The following PIK3CB variants were observed in gnomAD, a reference collection of about 807,000 sequenced individuals.
The protein encoded by PIK3CB is phosphatidylinositol-4,5-bisphosphate 3-kinase catalytic subunit beta, also known as phosphatidylinositol 4,5-bisphosphate 3-kinase catalytic subunit beta isoform.
In PIK3CB, 39 loss-of-function variants were observed where a neutral mutation model predicts 136.8. The observed-to-expected ratio is 0.29, with a 90% confidence interval of 0.22 to 0.37. PIK3CB has a LOEUF of 0.37. Among genes scored for constraint, PIK3CB ranks in the 10% least tolerant of loss-of-function variants. PIK3CB has a pLI of 1.00. For missense variants in PIK3CB, 868 were observed against 1,275.4 expected (o/e 0.68, Z 4.87); for synonymous variants, 428 against 436.6 (o/e 0.98, Z 0.25).
At chr3:138,656,104 C>T in intron 23 of PIK3CB, 38 bp downstream of exon 23, 1 of 1,606,790 alleles carries the variant, frequency 6.2e-7, no homozygotes, top group Non-Finnish European at 8.5e-7. Context: ...AGCTCAATGC[C>T]CACAAAGTCC....
chr3:138,670,126 CCT>C (rs1431156414), intron 19 of PIK3CB, among the ~76,000 whole-genome samples: 1 of 152,304 alleles, frequency 6.6e-6, no homozygotes, highest in East Asian at 1.9e-4. Context: ...CATGTGGGTG[CCT>C]CCCATTGTCT....
intron 13 of PIK3CB, among the ~76,000 whole-genome samples, chr3:138,695,692 A>G (rs2044121315): frequency 6.6e-6 from 1 of 152,046 alleles, no homozygotes; most frequent in African/African-American, 2.4e-5. Context: ...CGAAAACAAT[A>G]CTTTTGAATG....
Position 138,653,098 on chromosome 3 carries a change from T to C in PIK3CB, c.*2291A>G. The C allele has an allele frequency of 5.3e-6, 1 of 187,378 alleles. No homozygotes were observed. The highest frequency in any genetic ancestry group is 2.0e-3 in the Middle Eastern group (1 of 502). The allele number at this position is 187,378 out of a possible 1,614,324, so 11.6% of individuals were successfully genotyped here. On this transcript the variant is annotated 3_prime_UTR_variant, in exon 24 of 24. Transcript: ENST00000674063. ...TTGCGGATATAAATGAAAGATAATC[T>C]AAATAAATGGGTACTCCACTTACAT...
intron 4 of PIK3CB, among the ~76,000 whole-genome samples, chr3:138,752,437 GA>G (rs1462748158): frequency 1.3e-5 from 2 of 152,180 alleles, no homozygotes; most frequent in African/African-American, 4.8e-5. Context: ...TGCAAAAATT[GA>G]CTTGACTTCT....
At chr3:138,797,644 T>G (rs563797219) in intron 1 of PIK3CB, among the ~76,000 whole-genome samples, 1 of 152,238 alleles carries the variant, frequency 6.6e-6, no homozygotes, top group African/African-American at 2.4e-5. Flanking sequence ...ATTGGTGAAC[T>G]CAAAAATAAC....
chr3:138,690,649 A>G (rs1015236547), intron 15 of PIK3CB, among the ~76,000 whole-genome samples: 5 of 152,012 alleles, frequency 3.3e-5, no homozygotes, highest in Admixed American at 2.6e-4. Context: ...TATTAAGACA[A>G]TAAGTACACT....
At chr3:138,665,975 T>G (rs2043401723) in intron 19 of PIK3CB, among the ~76,000 whole-genome samples, 1 of 152,190 alleles carries the variant, frequency 6.6e-6, no homozygotes, top group African/African-American at 2.4e-5. Flanking sequence ...GACAGCAACT[T>G]TAACTGAAAA....
Position 138,714,420 on chromosome 3 carries a change from A to C in PIK3CB, c.1302+48T>G, listed in dbSNP as rs1412365254. 3.7e-6 allele frequency: 5 copies of C among 1,339,064 alleles called. No individual in the cohort carries two copies. In the South Asian group the frequency reaches 7.0e-5, roughly 19 times the overall value. The allele number at this position is 1,339,064 out of a possible 1,614,324, so 82.9% of individuals were successfully genotyped here. ...ACTCAATTATTTCAAACAGTCTTAA[A>C]ATTATTCCGTTATATAAAACAATCC... On this transcript the variant is annotated intron_variant, in intron 9 of 23. Transcript: ENST00000674063.
chr3:138,680,652 T>A (rs2043753071), intron 19 of PIK3CB, among the ~76,000 whole-genome samples: 1 of 152,076 alleles, frequency 6.6e-6, no homozygotes, highest in African/African-American at 2.4e-5. Flanking sequence ...GGATTATCAT[T>A]TAAGAAAATC....
intron 11 of PIK3CB, among the ~76,000 whole-genome samples, chr3:138,706,679 C>T (rs150223205): frequency 0.013 from 2,005 of 152,004 alleles, 43 homozygotes; most frequent in Middle Eastern, 0.048. Flanking sequence ...TTTTTTGAGA[C>T]GGAGTTTTGC....
intron 8 of PIK3CB, 103 bp from the exon 9 acceptor site, chr3:138,714,822 AT>A: frequency 9.1e-7 from 1 of 1,097,664 alleles, no homozygotes; most frequent in Non-Finnish European, 1.3e-6. Context: ...AAACATCTTT[AT>A]TTTGGAGAAG....
At chr3:138,789,159 T>C (rs1351536465) in intron 2 of PIK3CB, among the ~76,000 whole-genome samples, 1 of 152,130 alleles carries the variant, frequency 6.6e-6, no homozygotes, top group Non-Finnish European at 1.5e-5. Flanking sequence ...CAGGGCGTGA[T>C]GGCTCACGCC....
At chr3:138,674,977 G>A (rs548516344) in intron 19 of PIK3CB, among the ~76,000 whole-genome samples, 4 of 152,230 alleles carry the variant, frequency 2.6e-5, no homozygotes, top group African/African-American at 7.2e-5. Flanking sequence ...AGAATCGTTT[G>A]AACCTGGGAG....
At chr3:138,675,557 CAAGA>C (rs2043626888) in intron 19 of PIK3CB, among the ~76,000 whole-genome samples, 2 of 152,136 alleles carry the variant, frequency 1.3e-5, no homozygotes, top group East Asian at 3.9e-4. Flanking sequence ...TTGAAAGGAA[CAAGA>C]GAGATGTGAC....
intron 2 of PIK3CB, among the ~76,000 whole-genome samples, chr3:138,767,304 T>G (rs950182121): frequency 6.6e-6 from 1 of 152,224 alleles, no homozygotes; most frequent in Non-Finnish European, 1.5e-5. Flanking sequence ...CTTCAGGATG[T>G]TTGATTATCC....
chr3:138,683,136 T>C (rs2043814073), intron 18 of PIK3CB, among the ~76,000 whole-genome samples: 1 of 152,160 alleles, frequency 6.6e-6, no homozygotes, highest in Admixed American at 6.6e-5. Context: ...GTAAATCACT[T>C]GAGCTCAGGA....
intron 13 of PIK3CB, among the ~76,000 whole-genome samples, chr3:138,696,044 C>T (rs2044131164): frequency 6.8e-6 from 1 of 147,792 alleles, no homozygotes; most frequent in African/African-American, 2.5e-5. Flanking sequence ...TCTGGGATTA[C>T]AGGCATGAGC....
chr3:138,712,488 A>G (rs2044522965), intron 9 of PIK3CB, among the ~76,000 whole-genome samples, 184 bp from the exon 10 acceptor site: 1 of 152,190 alleles, frequency 6.6e-6, no homozygotes, highest in African/African-American at 2.4e-5. Flanking sequence ...GTTTAAGAAG[A>G]ACCTTAAAAC....
At chr3:138,784,333 G>A (rs1398298142) in intron 2 of PIK3CB, among the ~76,000 whole-genome samples, 1 of 152,154 alleles carries the variant, frequency 6.6e-6, no homozygotes, top group African/African-American at 2.4e-5. Context: ...AATGAGCTAA[G>A]ATCACGCCAC....
Sources: gnomAD v4.1 joint callset for allele counts (sites outside exome capture counted in the v4.1 genomes callset) on GRCh38, gnomAD v4.1.1 for gene constraint, MANE v1.5 for transcripts, NCBI Gene and HGNC (gene_info 2026-07-23, HGNC 2026-07-21) for gene names.